Variants in KIRREL3 observed in about 807,000 individuals in gnomAD.
The protein encoded by KIRREL3 is kin of IRRE-like protein 3.
KIRREL3 carries 36 observed loss-of-function variants against 89.7 expected under a neutral mutation model. The observed-to-expected ratio is 0.40, with a 90% CI of 0.31 to 0.53. KIRREL3 has a LOEUF of 0.53. Ranked by LOEUF, KIRREL3 falls within the 20% of genes least tolerant of loss-of-function variation. The pLI is 0.49. For missense variants in KIRREL3, 864 were observed against 1,056.6 expected (o/e 0.82, Z 2.53); for synonymous variants, 445 against 441.4 (o/e 1.01, Z -0.10).
At chr11:126,493,649 T>G (rs1262891658) in intron 4 of KIRREL3, among the ~76,000 whole-genome samples, 1 of 86,196 alleles carries the variant, frequency 1.2e-5, no homozygotes, top group Non-Finnish European at 2.2e-5. Flanking sequence ...AGCAAGACTC[T>G]GTCTCAAAAA....
At chr11:126,585,300 C>T (rs1388400252) in intron 1 of KIRREL3, among the ~76,000 whole-genome samples, 1 of 129,638 alleles carries the variant, frequency 7.7e-6, no homozygotes, top group Non-Finnish European at 1.6e-5. Context: ...ATGGCGAGAT[C>T]TCGGCTCACT....
intron 4 of KIRREL3, among the ~76,000 whole-genome samples, chr11:126,483,363 TTTCTC>T (rs1202063184): frequency 5.9e-5 from 9 of 152,236 alleles, no homozygotes; most frequent in African/African-American, 1.7e-4. Flanking sequence ...CTGTTGCACT[TTTCTC>T]TTCTTAATCT....
rs1170373933 is a variant in KIRREL3 at position 126,682,872 on chromosome 11, GA to G, written c.56-119961del. On this transcript the variant is annotated intron_variant, in intron 1 of 16. Transcript: ENST00000525144. The surrounding 1 kb of genome is among the most constrained non-coding windows in gnomAD (Gnocchi z 4.8). ...TGAGGACCGGTACCCCGGGGCTGGG[GA>G]TCCCTGTTCTATGAGGATAGAAAAT... Among the ~76,000 whole-genome samples the G allele has an allele frequency of 6.6e-6, 1 of 152,132 alleles. No homozygotes were observed. The highest frequency in any genetic ancestry group is 1.5e-5 in the Non-Finnish European group (1 of 68,038).
intron 1 of KIRREL3, among the ~76,000 whole-genome samples, chr11:126,572,818 TG>T (rs1378092653): frequency 6.6e-6 from 1 of 152,194 alleles, no homozygotes; most frequent in African/African-American, 2.4e-5. Context: ...CACCTATTTA[TG>T]GCCCACATAA....
intron 1 of KIRREL3, among the ~76,000 whole-genome samples, chr11:126,662,267 G>A (rs1945439813): frequency 1.3e-5 from 2 of 152,146 alleles, no homozygotes; most frequent in South Asian, 4.1e-4. Flanking sequence ...CATAACAATT[G>A]TAAATGACTT....
chr11:126,910,101 A>AC (rs1946755983), intron 1 of KIRREL3, among the ~76,000 whole-genome samples: 1 of 151,958 alleles, frequency 6.6e-6, no homozygotes, highest in Admixed American at 6.6e-5. Flanking sequence ...ATCACCAGCT[A>AC]TTTTTTTCTT....
chr11:126,779,982 A>T (rs1950278195), intron 1 of KIRREL3, among the ~76,000 whole-genome samples: 1 of 152,114 alleles, frequency 6.6e-6, no homozygotes, highest in Admixed American at 6.6e-5. Flanking sequence ...GGGAGCATCT[A>T]GTGGGGAAAG....
chr11:126,775,788 G>C (rs569901835), intron 1 of KIRREL3, among the ~76,000 whole-genome samples: 7 of 152,138 alleles, frequency 4.6e-5, no homozygotes. Flanking sequence ...TTTTATAGAC[G>C]AGGGAATTGA....
In KIRREL3 at chr11:126,764,728, G is replaced by T. The variant is rs867298803; in HGVS notation, c.56-201816C>A. On this transcript the variant is annotated intron_variant, in intron 1 of 16. Transcript: ENST00000525144. This position sits in a 1 kb window ranked among gnomAD's most constrained non-coding sequence, Gnocchi z 4.2. ...TGCTTTTATGTTATTGCACACATGA[G>T]TGGAACATACTATCCAGCTTCTTAG... 6.6e-6 allele frequency among the ~76,000 whole-genome samples: 1 copy of T among 152,292 alleles called. No individual in the cohort carries two copies. The highest frequency in any genetic ancestry group is 2.1e-4 in the South Asian group (1 of 4,828).
rs150190332 is a variant in KIRREL3 at position 126,531,208 on chromosome 11, C to G, written c.134-4521G>C. ...ATCTCTCAGACTTCCCCTTTCCTCT[C>G]TATTCCCACTGCTAGCACCCAAGTT... On this transcript the variant is annotated intron_variant, in intron 2 of 16. Coordinates refer to ENST00000525144, the MANE Select transcript of KIRREL3 (RefSeq NM_032531.4). This position sits in a 1 kb window ranked among gnomAD's most constrained non-coding sequence, Gnocchi z 4.7. Among the ~76,000 whole-genome samples the G allele has an allele frequency of 2.6e-3, 400 of 152,322 alleles. 3 individuals carry two copies. Among genetic ancestry groups the G allele is most frequent in the African/African-American group, 8.7e-3 (362 of 41,570 alleles).
chr11:126,930,876 C>T (rs1947921307), intron 1 of KIRREL3, among the ~76,000 whole-genome samples: 1 of 152,224 alleles, frequency 6.6e-6, no homozygotes, highest in Non-Finnish European at 1.5e-5. Context: ...TAGAGCTGTA[C>T]TTGCCCCAAG....
intron 1 of KIRREL3, among the ~76,000 whole-genome samples, chr11:126,749,508 G>T (rs913548271): frequency 6.6e-6 from 1 of 152,150 alleles, no homozygotes; most frequent in African/African-American, 2.4e-5. Flanking sequence ...CGTGCAAGGG[G>T]AGAGGAGGTT....
At chr11:126,792,643 C>T (rs1311093964) in intron 1 of KIRREL3, among the ~76,000 whole-genome samples, 1 of 152,138 alleles carries the variant, frequency 6.6e-6, no homozygotes, top group Non-Finnish European at 1.5e-5. Context: ...AACTCAATTA[C>T]CCATTAATAG....
At chr11:126,730,986 G>A (rs563765356) in intron 1 of KIRREL3, among the ~76,000 whole-genome samples, 14 of 152,184 alleles carry the variant, frequency 9.2e-5, no homozygotes, top group South Asian at 6.2e-4. Flanking sequence ...TGATCCACCC[G>A]TCTCGGCCTC....
chr11:126,424,537 C>CT lies in KIRREL3; in HGVS notation c.*42dup. On this transcript the variant is annotated 3_prime_UTR_variant, in exon 17 of 17. Coordinates refer to ENST00000525144, the MANE Select transcript of KIRREL3 (RefSeq NM_032531.4). Reference sequence around the variant, plus strand: ...CGTCCCTGGACAACCAGAACGTGCCCTGACCTCTTCCCTGGCCCGTCCCCA... The same window carrying CT: ...CGTCCCTGGACAACCAGAACGTGCCCTTGACCTCTTCCCTGGCCCGTCCCCA... 6.3e-7 allele frequency: 1 copy of CT among 1,594,814 alleles called. No individual in the cohort carries two copies. Among genetic ancestry groups the CT allele is most frequent in the Admixed American group, 1.7e-5 (1 of 59,186 alleles).
In KIRREL3 at chr11:126,763,678, C is replaced by T. The variant is rs1452189668; in HGVS notation, c.56-200766G>A. Reference sequence around the variant, plus strand: ...TATCTTCCCCATACTTGCTGCATGACCTTCAATGAGTTCCCACGCTTTTGA... The same window carrying T: ...TATCTTCCCCATACTTGCTGCATGATCTTCAATGAGTTCCCACGCTTTTGA... On this transcript the variant is annotated intron_variant, in intron 1 of 16. Coordinates refer to ENST00000525144, the MANE Select transcript of KIRREL3 (RefSeq NM_032531.4). The surrounding 1 kb of genome is among the most constrained non-coding windows in gnomAD (Gnocchi z 4.7). Among the ~76,000 whole-genome samples, 2 of 152,168 alleles carry T rather than the reference C, an allele frequency of 1.3e-5. No individual in the cohort carries two copies. The highest frequency in any genetic ancestry group is 2.9e-5 in the Non-Finnish European group (2 of 68,030).
At chr11:126,799,784 C>G (rs1195775677) in intron 1 of KIRREL3, among the ~76,000 whole-genome samples, 1 of 152,142 alleles carries the variant, frequency 6.6e-6, no homozygotes, top group Non-Finnish European at 1.5e-5. Context: ...TAATGGAAGG[C>G]TTGCCCTGAG....
rs1322063551 is a variant in KIRREL3, at chr11:126,954,454, C to T, written c.55+46001G>A. On this transcript the variant is annotated intron_variant, in intron 1 of 16. Transcript: ENST00000525144. The surrounding 1 kb of genome is among the most constrained non-coding windows in gnomAD (Gnocchi z 4.1). ...GTAAATTACAAATCATCTGGGCCCT[C>T]AGAAATGCTTAATTATGCCCTGCCT... is the stretch of plus-strand genomic sequence containing the variant. Among the ~76,000 whole-genome samples, 1 of 152,128 alleles carries T rather than the reference C, an allele frequency of 6.6e-6. No homozygotes were observed. The highest frequency in any genetic ancestry group is 1.5e-5 in the Non-Finnish European group (1 of 68,024).
At chr11:126,438,436 C>T (rs4935970) in intron 11 of KIRREL3, among the ~76,000 whole-genome samples, 10,098 of 152,238 alleles carry the variant, frequency 0.066, 464 homozygotes, top group Non-Finnish European at 0.1. Flanking sequence ...CATTCCTGGC[C>T]GTGGGGCTCT....
Sources: gnomAD v4.1 joint callset for allele counts (sites outside exome capture counted in the v4.1 genomes callset) on GRCh38, gnomAD v4.1.1 for gene constraint, Gnocchi (gnomAD v3.1) non-coding constraint, MANE v1.5 for transcripts, NCBI Gene and HGNC (gene_info 2026-07-23, HGNC 2026-07-21) for gene names.